Variants in MFSD2B observed in about 807,000 individuals in gnomAD.
The protein encoded by MFSD2B is sphingosine-1-phosphate transporter MFSD2B.
In MFSD2B, 56 loss-of-function variants were observed where a neutral mutation model predicts 58.4. That is an observed-to-expected ratio of 0.96 (90% CI 0.77 to 1.20). The LOEUF (loss-of-function observed/expected upper bound fraction) is 1.20, where lower values mean the gene tolerates loss of function less well. Among genes scored for constraint, MFSD2B ranks in the 50% most tolerant of loss-of-function variants. MFSD2B has a pLI of 0.00. For synonymous variants in MFSD2B, 287 were observed against 294.4 expected (o/e 0.97, Z 0.26); for missense variants, 645 against 667.6 (o/e 0.97, Z 0.37).
In MFSD2B at chr2:24,020,454, C is replaced by G. The variant is rs1379486124; in HGVS notation, c.682-1194C>G. On this transcript the variant is annotated intron_variant, in intron 6 of 13. Transcript: ENST00000338315. This position sits in a 1 kb window ranked among gnomAD's most constrained non-coding sequence, Gnocchi z 4.1. Reference sequence around the variant, plus strand: ...CACCCTGCGCCCTCCCTCTCCTCCCCTCCCCAGAGGCAGCCTCTGTCCCGA... The same window carrying G: ...CACCCTGCGCCCTCCCTCTCCTCCCGTCCCCAGAGGCAGCCTCTGTCCCGA... Among the ~76,000 whole-genome samples the G allele has an allele frequency of 6.6e-6, 1 of 152,204 alleles. No homozygotes were observed. Among genetic ancestry groups the G allele is most frequent in the Non-Finnish European group, 1.5e-5 (1 of 68,038 alleles).
At position 24,017,705 on chromosome 2, in the gene MFSD2B, T is replaced by A; in HGVS notation, c.681+117T>A. On this transcript the variant is annotated intron_variant, in intron 6 of 13. Transcript: ENST00000338315. The surrounding 1 kb of genome is among the most constrained non-coding windows in gnomAD (Gnocchi z 4.8). ...CTTTGTTGTCTTTTAGGGGGCTCACTGTGCCCCCTCATTCCTTCCCTGCTC... is the reference window on the plus strand; with the variant it reads ...CTTTGTTGTCTTTTAGGGGGCTCACAGTGCCCCCTCATTCCTTCCCTGCTC... 1.8e-6 allele frequency: 2 copies of A among 1,131,252 alleles called. No homozygotes were observed. The highest frequency in any genetic ancestry group is 1.2e-6 in the Non-Finnish European group (1 of 811,670). 70.1% of individuals were successfully genotyped at this position (1,131,252 alleles called of 1,614,324 possible).
chr2:24,010,192 G>T lies in MFSD2B; in HGVS notation c.96G>T (p.Glu32Asp). The change falls in exon 1 of 14, where the codon GAG becomes GAT. Residue 32 changes from glutamate (E) to aspartate (D), a missense_variant and splice_region_variant. By Grantham distance (45) the Glu-to-Asp change is conservative (BLOSUM62 2). Coordinates refer to ENST00000338315, the MANE Select transcript of MFSD2B (RefSeq NM_001346880.2). The stretch of plus-strand genomic sequence containing the variant: ...CGGGGAGCGCCAAGCGAGGGCGAGA[G>T]GTGAGCGGGGCGGCGGGGACCGGGA... ...PGPGSAKRGR[E>D]DSRAGRLSFC... 1 of 1,408,450 alleles carries T rather than the reference G, an allele frequency of 7.1e-7. No homozygotes were observed. The highest frequency in any genetic ancestry group is 3.1e-5 in the Admixed American group (1 of 32,352). The allele number at this position is 1,408,450 out of a possible 1,614,324, so 87.2% of individuals were successfully genotyped here.
In MFSD2B at chr2:24,013,374, C is replaced by A; in HGVS notation, c.186C>A (p.Ala62=). The A allele has an allele frequency of 6.2e-7, 1 of 1,610,382 alleles. No individual in the cohort carries two copies. The highest frequency in any genetic ancestry group is 1.3e-5 in the African/African-American group (1 of 74,996). ...ACCAGATAGCCTCCAGCGCCACAGC[C>A]TTTTACCTGCAGCTTTTCCTGCTTG... The part of the protein sequence containing the change: ...VPNQIASSAT[A]FYLQLFLLDI... Residue 62 remains alanine, a synonymous_variant, in exon 2 of 14, where the codon GCC becomes GCA. Transcript: ENST00000338315.
intron 3 of MFSD2B, 102 bp from the exon 4 acceptor site, chr2:24,016,743 A>T (rs1709158798): frequency 6.9e-7 from 1 of 1,441,214 alleles, no homozygotes; most frequent in Non-Finnish European, 9.3e-7. Flanking sequence ...CAGCCTAGGG[A>T]TTCTCAAGGG....
chr2:24,013,236 C>T (rs747370375), intron 1 of MFSD2B, 49 bp from the exon 2 acceptor site: 1 of 1,533,046 alleles, frequency 6.5e-7, no homozygotes, highest in Non-Finnish European at 8.9e-7. Flanking sequence ...GTGTGGGGAC[C>T]TGTTTTGTGT....
At chr2:24,016,009 C>G (rs1429223745) in intron 2 of MFSD2B, 147 bp from the exon 3 acceptor site, 2 of 968,628 alleles carry the variant, frequency 2.1e-6, no homozygotes, top group East Asian at 2.5e-5. Context: ...GGATCAGCAT[C>G]CTGGGGAAGG....
Position 24,021,850 on chromosome 2 carries a change from C to A in MFSD2B, c.774C>A (p.Asp258Glu). ...AGGTGACACGCTTCTGCGTTGCAGA[C>A]CCCTCTGCCCCAGCCTCAGGCCCAG... ...LLCLGVKERP[D>E]PSAPASGPGL... The change falls in exon 8 of 14, where the codon GAC becomes GAA. Residue 258 changes from aspartate (D) to glutamate (E), a missense_variant and splice_region_variant. Physicochemically the swap from Asp to Glu is conservative, Grantham distance 45. Coordinates refer to ENST00000338315, the MANE Select transcript of MFSD2B (RefSeq NM_001346880.2). The surrounding 1 kb of genome is among the most constrained non-coding windows in gnomAD (Gnocchi z 5.7). 6.2e-7 allele frequency: 1 copy of A among 1,613,904 alleles called. No individual in the cohort carries two copies. Among genetic ancestry groups the A allele is most frequent in the Non-Finnish European group, 8.5e-7 (1 of 1,179,844 alleles).
chr2:24,025,664 C>T lies in MFSD2B; in HGVS notation c.*208C>T, dbSNP rs1662957067. ...TTCTTGTCTGTTGCCTTCAGACTAT[C>T]TCAGATAGGCCTGTGCCCCTGACTA... On this transcript the variant is annotated 3_prime_UTR_variant, in exon 14 of 14. Transcript: ENST00000338315. 1 of 586,684 alleles carries T rather than the reference C, an allele frequency of 1.7e-6. No homozygotes were observed. The highest frequency in any genetic ancestry group is 2.9e-5 in the Admixed American group (1 of 35,082). 36.3% of individuals were successfully genotyped at this position (586,684 alleles called of 1,614,324 possible).
At chr2:24,015,640 T>C (rs1423590400) in intron 2 of MFSD2B, among the ~76,000 whole-genome samples, 4 of 152,252 alleles carry the variant, frequency 2.6e-5, no homozygotes, top group African/African-American at 9.6e-5. Context: ...CTTTGCTTAG[T>C]ATTTTCCTGC....
intron 1 of MFSD2B, 171 bp from the exon 2 acceptor site, chr2:24,013,114 C>T: frequency 1.6e-5 from 8 of 511,632 alleles, no homozygotes; most frequent in Non-Finnish European, 2.3e-5. Flanking sequence ...GATCTTTTTT[C>T]TCTTCGTCTC....
At position 24,023,828 on chromosome 2, in the gene MFSD2B, G is replaced by C. The variant is rs1662888989; in HGVS notation, c.1313+102G>C. The C allele has an allele frequency of 7.2e-7, 1 of 1,386,562 alleles. No homozygotes were observed. Among genetic ancestry groups the C allele is most frequent in the African/African-American group, 1.4e-5 (1 of 69,970 alleles). The allele number at this position is 1,386,562 out of a possible 1,614,324, so 85.9% of individuals were successfully genotyped here. On this transcript the variant is annotated intron_variant, in intron 12 of 13. Coordinates refer to ENST00000338315, the MANE Select transcript of MFSD2B (RefSeq NM_001346880.2). The surrounding 1 kb of genome is among the most constrained non-coding windows in gnomAD (Gnocchi z 5.0). ...AAGCTCAGGGCATCCATGAGCCTGG[G>C]GCCTAAGCGCTACTCTTTGGAGAGT... is the stretch of plus-strand genomic sequence containing the variant.
Position 24,016,053 on chromosome 2 carries a change from CG to C in MFSD2B, c.223-101del, listed in dbSNP as rs1709132761. On this transcript the variant is annotated intron_variant, in intron 2 of 13. Coordinates refer to ENST00000338315, the MANE Select transcript of MFSD2B (RefSeq NM_001346880.2). ...CCCTTGACACTGTGGCTCTGCCCTC[CG>C]GTCCCGGTTCCCAGGCCTCCCTCTT... 56 of 1,429,578 alleles carry C rather than the reference CG, an allele frequency of 3.9e-5. 1 individual carries two copies. In the South Asian group the frequency reaches 6.0e-4, roughly 15 times the overall value. 88.6% of individuals were successfully genotyped at this position (1,429,578 alleles called of 1,614,324 possible).
At position 24,023,424 on chromosome 2, in the gene MFSD2B, G is replaced by A. The variant is rs1019777432; in HGVS notation, c.1170-159G>A. On this transcript the variant is annotated intron_variant, in intron 11 of 13. Coordinates refer to ENST00000338315, the MANE Select transcript of MFSD2B (RefSeq NM_001346880.2). The surrounding 1 kb of genome is among the most constrained non-coding windows in gnomAD (Gnocchi z 5.0). The stretch of plus-strand genomic sequence containing the variant: ...GGCGGGGGGCCGGCAGGGGGCTGGC[G>A]GGGGGTACGAGCACACAGGCCATCT... 63 of 952,970 alleles carry A rather than the reference G, an allele frequency of 6.6e-5. No individual in the cohort carries two copies. The highest frequency in any genetic ancestry group is 9.4e-5 in the Admixed American group (4 of 42,632). 59.0% of individuals were successfully genotyped at this position (952,970 alleles called of 1,614,324 possible).
Position 24,023,808 on chromosome 2 carries a change from CA to C in MFSD2B, c.1313+83del. ...GGCAAAGCCCCTCACCTACCAAGCT[CA>C]GGGCATCCATGAGCCTGGGGCCTAA... is the stretch of plus-strand genomic sequence containing the variant. On this transcript the variant is annotated intron_variant, in intron 12 of 13. Transcript: ENST00000338315. The surrounding 1 kb of genome is among the most constrained non-coding windows in gnomAD (Gnocchi z 5.0). 6.6e-7 allele frequency: 1 copy of C among 1,520,702 alleles called. No individual in the cohort carries two copies. Among genetic ancestry groups the C allele is most frequent in the Middle Eastern group, 1.7e-4 (1 of 5,732 alleles). The allele number at this position is 1,520,702 out of a possible 1,614,324, so 94.2% of individuals were successfully genotyped here.
rs1268231255 is a variant in MFSD2B at position 24,025,696 on chromosome 2, T to C, written c.*240T>C. ...AGGCCTGTGCCCCTGACTAGCCCAG[T>C]AGCACTTGTCTCTAGAAAAAGGAAG... On this transcript the variant is annotated 3_prime_UTR_variant, in exon 14 of 14. Coordinates refer to ENST00000338315, the MANE Select transcript of MFSD2B (RefSeq NM_001346880.2). 2.1e-5 allele frequency: 10 copies of C among 487,748 alleles called. No homozygotes were observed. In the East Asian group the frequency reaches 2.8e-4, roughly 14 times the overall value. 30.2% of individuals were successfully genotyped at this position (487,748 alleles called of 1,614,324 possible).
intron 1 of MFSD2B, among the ~76,000 whole-genome samples, chr2:24,010,596 C>T (rs559835768): frequency 7.8e-4 from 119 of 152,310 alleles, no homozygotes; most frequent in African/African-American, 2.8e-3. Context: ...CCTCCCAGAC[C>T]CTGGCCTCGC....
In MFSD2B at chr2:24,014,023, T is replaced by G. The variant is rs529116656; in HGVS notation, c.222+613T>G. Among the ~76,000 whole-genome samples the G allele has an allele frequency of 6.9e-4, 104 of 151,540 alleles. 2 individuals are homozygous for G. In the South Asian group the frequency reaches 0.02, roughly 29 times the overall value. Reference sequence around the variant, plus strand: ...CACTCGGCTAATTTGTTGTTTGTTTTTTTTTTTGAGATGGAGTCTCGCTCT... The same window carrying G: ...CACTCGGCTAATTTGTTGTTTGTTTGTTTTTTTGAGATGGAGTCTCGCTCT... On this transcript the variant is annotated intron_variant, in intron 2 of 13. Coordinates refer to ENST00000338315, the MANE Select transcript of MFSD2B (RefSeq NM_001346880.2).
At chr2:24,010,462 G>A (rs1248621169) in intron 1 of MFSD2B, among the ~76,000 whole-genome samples, 1 of 152,204 alleles carries the variant, frequency 6.6e-6, no homozygotes, top group African/African-American at 2.4e-5. Context: ...CCGGCTTAGG[G>A]GTCTTGTCCG....
Position 24,025,361 on chromosome 2 carries a change from G to A in MFSD2B, c.1491-71G>A, listed in dbSNP as rs535546715. 27 of 1,421,334 alleles carry A rather than the reference G, an allele frequency of 1.9e-5. No homozygotes were observed. In the Middle Eastern group the frequency reaches 5.2e-4, roughly 27 times the overall value. 88.0% of individuals were successfully genotyped at this position (1,421,334 alleles called of 1,614,324 possible). On this transcript the variant is annotated intron_variant, in intron 13 of 13. Coordinates refer to ENST00000338315, the MANE Select transcript of MFSD2B (RefSeq NM_001346880.2). ...AAGGAGCAGCCACCAAACCTTCCGC[G>A]GGCTTCTGCGGCAGGACAGAGGGCC...
Sources: allele counts gnomAD v4.1 joint callset (sites outside exome capture counted in the v4.1 genomes callset), GRCh38; gene constraint gnomAD v4.1.1; non-coding constraint Gnocchi (gnomAD v3.1); transcripts MANE v1.5; gene names NCBI Gene and HGNC (gene_info 2026-07-23, HGNC 2026-07-21).